FAM161A: variants seen among roughly 807,000 people sequenced by gnomAD.
FAM161A encodes the protein protein FAM161A.
FAM161A carries 57 observed loss-of-function variants against 70.9 expected under a neutral mutation model. That is an observed-to-expected ratio of 0.80 (90% CI 0.65 to 1.00). FAM161A has a LOEUF of 1.00. Ranked by LOEUF, FAM161A falls within the 50% of genes least tolerant of loss-of-function variation. The probability of loss-of-function intolerance (pLI) is 0.00; values close to 1 mark genes in which losing one functional copy is unlikely to be tolerated. For synonymous variants in FAM161A, 299 were observed against 295.7 expected (o/e 1.01, Z -0.12); for missense variants, 880 against 836.0 (o/e 1.05, Z -0.65).
intron 2 of FAM161A, 111 bp downstream of exon 2, chr2:61,842,011 G>A: frequency 1.3e-6 from 1 of 765,220 alleles, no homozygotes; most frequent in Non-Finnish European, 2.3e-6. Context: ...GTATATCGTT[G>A]GGAGTACAAA....
At chr2:61,827,330 G>A in intron 5 of FAM161A, 72 bp from the exon 6 acceptor site, 1 of 1,516,424 alleles carries the variant, frequency 6.6e-7, no homozygotes, top group Non-Finnish European at 9.0e-7. Context: ...TATAGATTAG[G>A]CCAGGCGCGG....
chr2:61,822,753 A>T (rs1473621010), downstream of FAM161A, among the ~76,000 whole-genome samples: 4 of 151,802 alleles, frequency 2.6e-5, no homozygotes, highest in Non-Finnish European at 5.9e-5. Flanking sequence ...CACTTGGCTA[A>T]TTCTTTTTGT....
At chr2:61,843,137 T>G (rs1673081291) in intron 1 of FAM161A, among the ~76,000 whole-genome samples, 1 of 126,688 alleles carries the variant, frequency 7.9e-6, no homozygotes. Flanking sequence ...CCTTTCAGTT[T>G]TTTTGTTTGT....
the FAM161A span, among the ~76,000 whole-genome samples, chr2:61,801,550 T>C: frequency 6.8e-6 from 1 of 147,734 alleles, no homozygotes; most frequent in South Asian, 2.1e-4. Context: ...TTTTGAATAA[T>C]GTTTTTTGGT....
At chr2:61,816,141 G>T in the FAM161A span, among the ~76,000 whole-genome samples, 4 of 152,232 alleles carry the variant, frequency 2.6e-5, no homozygotes, top group East Asian at 7.7e-4. Context: ...GACCTCCATT[G>T]ACGTTGGCTT....
chr2:61,853,878 G>T lies in FAM161A; in HGVS notation c.164C>A (p.Ala55Asp). The T allele has an allele frequency of 1.2e-6, 2 of 1,613,924 alleles. No individual in the cohort carries two copies. Among genetic ancestry groups the T allele is most frequent in the East Asian group, 4.5e-5 (2 of 44,882 alleles). The change falls in exon 1 of 7, where the codon GCT (alanine) becomes GAT (aspartate). Residue 55 changes from alanine to aspartate, a missense_variant. By Grantham distance (126) the Ala-to-Asp change is moderately radical. Transcript: ENST00000404929. ...ILEDEEEEKVAQPAGASADLN... is the reference protein window; with the variant it reads ...ILEDEEEEKVDQPAGASADLN... ...TATTACCGATGCCCCAGCGGGCTGA[G>T]CCACTTTCTCCTCCTCTTCGTCCTC...
chr2:61,824,727 G>A (rs931821752), downstream of FAM161A: 2 of 265,478 alleles, frequency 7.5e-6, no homozygotes, highest in Non-Finnish European at 1.5e-5. Context: ...AGCAAGTAAT[G>A]TTTTAAGTAC....
At chr2:61,845,671 A>T (rs1012230441) in intron 1 of FAM161A, among the ~76,000 whole-genome samples, 10 of 151,754 alleles carry the variant, frequency 6.6e-5, no homozygotes, top group South Asian at 6.2e-4. Flanking sequence ...AATTTTTTTT[A>T]AAAAATTAGC....
the FAM161A span, among the ~76,000 whole-genome samples, chr2:61,811,910 G>A: frequency 6.6e-6 from 1 of 152,042 alleles, no homozygotes; most frequent in Non-Finnish European, 1.5e-5. Context: ...GTCCTAGAAG[G>A]CCCCATAGAA....
At chr2:61,823,609 G>A (rs1404427619), downstream of FAM161A, among the ~76,000 whole-genome samples, 1 of 151,754 alleles carries the variant, frequency 6.6e-6, no homozygotes, top group Non-Finnish European at 1.5e-5. Context: ...CAAGTGAGCC[G>A]CCTTCCTCTG....
At chr2:61,821,715 G>A (rs190933352), downstream of FAM161A, among the ~76,000 whole-genome samples, 160 of 151,898 alleles carry the variant, frequency 1.1e-3, no homozygotes, top group Non-Finnish European at 1.7e-3. Context: ...TACAGGTGTA[G>A]GCCACTGCAT....
At chr2:61,835,818 C>T (rs1432669430) in intron 5 of FAM161A, 192 bp downstream of exon 5, 1 of 581,988 alleles carries the variant, frequency 1.7e-6, no homozygotes, top group African/African-American at 1.9e-5. Context: ...GTGCACACCA[C>T]CACACCTGGC....
chr2:61,801,567 G>A, the FAM161A span, among the ~76,000 whole-genome samples: 188 of 136,544 alleles, frequency 1.4e-3, 1 homozygote, highest in Non-Finnish European at 1.6e-3. Flanking sequence ...TGGTTTTTTT[G>A]GTTTTTTTTT....
chr2:61,821,802 C>T (rs1672208841), downstream of FAM161A, among the ~76,000 whole-genome samples: 2 of 151,762 alleles, frequency 1.3e-5, no homozygotes, highest in African/African-American at 2.4e-5. Flanking sequence ...CAGAGTCTTG[C>T]TCTGTTGCCC....
downstream of FAM161A, among the ~76,000 whole-genome samples, chr2:61,823,387 T>TATATATATATATATATATATATATA (rs1558470717): frequency 2.7e-5 from 3 of 110,892 alleles, no homozygotes; most frequent in Admixed American, 1.8e-4. Context: ...ATATATATAT[T>TATATATATATATATATATATATATA]GAGTCAGGGT....
At chr2:61,853,607 G>A (rs912785909) in intron 1 of FAM161A, among the ~76,000 whole-genome samples, 13 of 152,212 alleles carry the variant, frequency 8.5e-5, no homozygotes, top group Non-Finnish European at 1.5e-4. Flanking sequence ...CTTGCCAGAA[G>A]CAGAGTAACA....
At position 61,848,873 on chromosome 2, in the gene FAM161A, T is replaced by A. The variant is rs1212100190; in HGVS notation, c.183+4986A>T. Among the ~76,000 whole-genome samples the A allele has an allele frequency of 1.4e-3, 38 of 26,826 alleles. 7 individuals are homozygous for A. Among genetic ancestry groups the A allele is most frequent in the African/African-American group, 6.5e-3 (37 of 5,664 alleles). The allele number at this position is 26,826 out of a possible 152,430, so 17.6% of individuals were successfully genotyped here. A position where few individuals can be genotyped will look rare whatever the true frequency, so the allele number is the denominator to read the frequency against. On this transcript the variant is annotated intron_variant, in intron 1 of 6. Transcript: ENST00000404929. ...ATTTATATATATATTTATATATATA[T>A]TTATATATATATTTATATATATTTA...
At chr2:61,813,314 G>A in the FAM161A span, among the ~76,000 whole-genome samples, 1 of 151,580 alleles carries the variant, frequency 6.6e-6, no homozygotes, top group Admixed American at 6.6e-5. Context: ...GGGCTGAGGT[G>A]GGCAGATCAC....
chr2:61,813,620 G>A, the FAM161A span, among the ~76,000 whole-genome samples: 2 of 149,608 alleles, frequency 1.3e-5, no homozygotes, highest in Admixed American at 6.7e-5. Flanking sequence ...TTGGGAGGCT[G>A]AGGTGGAAGG....
Sources: gnomAD v4.1 joint callset for allele counts (sites outside exome capture counted in the v4.1 genomes callset) on GRCh38, gnomAD v4.1.1 for gene constraint, MANE v1.5 for transcripts, NCBI Gene and HGNC (gene_info 2026-07-23, HGNC 2026-07-21) for gene names.